Variants in IPO7 observed in about 807,000 individuals in gnomAD.
The protein encoded by IPO7 is importin-7.
Under a neutral mutation model 136.4 loss-of-function variants are expected in IPO7, and 13 were observed. The observed-to-expected ratio is 0.10, with a 90% confidence interval of 0.06 to 0.15. The LOEUF is 0.15. Among genes scored for constraint, IPO7 ranks in the 10% least tolerant of loss-of-function variants. IPO7 has a pLI of 1.00. For missense variants in IPO7, 857 were observed against 1,240.6 expected (o/e 0.69, Z 4.65); for synonymous variants, 403 against 404.4 (o/e 1.00, Z 0.04).
At position 9,409,956 on chromosome 11, in the gene IPO7, A is replaced by T; in HGVS notation, c.349A>T (p.Ile117Phe). The T allele has an allele frequency of 6.3e-7, 1 of 1,580,454 alleles. No homozygotes were observed. Among genetic ancestry groups the T allele is most frequent in the Middle Eastern group, 1.7e-4 (1 of 5,944 alleles). The change falls in exon 4 of 25, where the codon ATC (isoleucine) becomes TTC (phenylalanine). Residue 117 changes from isoleucine (I) to phenylalanine (F), a missense_variant. Physicochemically the swap from Ile to Phe is conservative, Grantham distance 21. This residue lies in a region of IPO7 where 287 missense variants were observed against 307.5 expected (regional missense o/e 0.93). Transcript: ENST00000379719. ...ACAGCTTACTACATGCATTCATCAC[A>T]TCATCAAACATGATTATCCAAGCCG... ...RVQLTTCIHH[I>F]IKHDYPSRWT...
chr11:9,403,331 T>C lies in IPO7; in HGVS notation c.126T>C (p.Ile42=). The C allele has an allele frequency of 6.2e-7, 1 of 1,613,964 alleles. No homozygotes were observed. The highest frequency in any genetic ancestry group is 8.5e-7 in the Non-Finnish European group (1 of 1,179,882). The change falls in exon 2 of 25, where the codon ATT becomes ATC. Residue 42 remains isoleucine (I), a synonymous_variant. Coordinates refer to ENST00000379719, the MANE Select transcript of IPO7 (RefSeq NM_006391.3). The stretch of plus-strand genomic sequence containing the variant: ...ATTTTGTCTCAACACTGCTCCAGAT[T>C]ACTATGTCGGAACAGCTGGATTTAC... ...SLNFVSTLLQ[I]TMSEQLDLPV... is the part of the protein sequence containing the mutation.
At chr11:9,429,971 A>T in intron 15 of IPO7, 137 bp downstream of exon 15, 1 of 588,476 alleles carries the variant, frequency 1.7e-6, no homozygotes, top group Admixed American at 3.6e-5. Context: ...CATGGAAGAT[A>T]ATTTTTCCAC....
intron 1 of IPO7, among the ~76,000 whole-genome samples, chr11:9,392,971 G>A (rs146990163): frequency 1.0e-4 from 15 of 150,396 alleles, no homozygotes; most frequent in Non-Finnish European, 1.6e-4. Flanking sequence ...AAAAAGTTAC[G>A]GGTTTGAAGA....
At chr11:9,395,869 A>C (rs958727212) in intron 1 of IPO7, among the ~76,000 whole-genome samples, 34 of 150,744 alleles carry the variant, frequency 2.3e-4, no homozygotes, top group African/African-American at 7.8e-4. Flanking sequence ...GGCAGCCGCC[A>C]CCACGTCTGG....
chr11:9,428,754 T>A (rs757358382), intron 13 of IPO7, 125 bp downstream of exon 13: 2 of 796,504 alleles, frequency 2.5e-6, no homozygotes, highest in South Asian at 2.7e-5. Context: ...TTCTGTTTAA[T>A]GTAAATCTTT....
At chr11:9,389,966 A>G (rs144247649) in intron 1 of IPO7, among the ~76,000 whole-genome samples, 230 of 152,302 alleles carry the variant, frequency 1.5e-3, no homozygotes, top group Admixed American at 2.5e-3. Flanking sequence ...CATGTTGGCC[A>G]GCCTGGTCTT....
intron 16 of IPO7, 23 bp from the exon 17 acceptor site, chr11:9,433,547 T>C (rs766589248): frequency 1.3e-6 from 2 of 1,583,948 alleles, no homozygotes; most frequent in South Asian, 1.1e-5. Context: ...TAACTGCATA[T>C]GATTTTTTTT....
At chr11:9,389,688 G>C (rs1244009718) in intron 1 of IPO7, among the ~76,000 whole-genome samples, 1 of 152,122 alleles carries the variant, frequency 6.6e-6, no homozygotes, top group Non-Finnish European at 1.5e-5. Context: ...TGGAATTAGA[G>C]GGTTTACCCA....
chr11:9,431,198 G>A (rs1565002226), intron 16 of IPO7, among the ~76,000 whole-genome samples, 195 bp downstream of exon 16: 1 of 152,098 alleles, frequency 6.6e-6, no homozygotes, highest in Non-Finnish European at 1.5e-5. Context: ...TACCATCTTA[G>A]GGCTCAGGAT....
At chr11:9,392,129 T>G (rs749678143) in intron 1 of IPO7, 19 of 364,534 alleles carry the variant, frequency 5.2e-5, no homozygotes, top group South Asian at 1.7e-4. Flanking sequence ...GCCTTATATT[T>G]CATGTAGCCA....
chr11:9,404,072 T>C (rs192494642), intron 2 of IPO7, among the ~76,000 whole-genome samples: 2 of 152,342 alleles, frequency 1.3e-5, no homozygotes, highest in East Asian at 3.9e-4. Flanking sequence ...AATTTTGTTA[T>C]GGGAAATACA....
intron 2 of IPO7, among the ~76,000 whole-genome samples, chr11:9,404,103 T>C (rs2133731807): frequency 6.6e-6 from 1 of 152,352 alleles, no homozygotes; most frequent in East Asian, 1.9e-4. Context: ...AATTTCATCA[T>C]TCTAGAAAAA....
At chr11:9,424,435 T>A (rs1240682098) in intron 10 of IPO7, among the ~76,000 whole-genome samples, 1 of 152,190 alleles carries the variant, frequency 6.6e-6, no homozygotes, top group Non-Finnish European at 1.5e-5. Flanking sequence ...TAGGAGGAAT[T>A]CATGGATTAA....
intron 6 of IPO7, among the ~76,000 whole-genome samples, chr11:9,417,742 C>T (rs1345934401): frequency 2.7e-5 from 4 of 145,948 alleles, no homozygotes; most frequent in Non-Finnish European, 4.5e-5. Context: ...GCTGAAGTTT[C>T]GCTCTTGTTG....
chr11:9,437,957 T>A lies in IPO7; in HGVS notation c.2472T>A (p.Asp824Glu). ...TNHFITQWLN[D>E]VDCFLGLHDR... ...ATTTTATTACACAGTGGCTTAATGATGTTGACTGTTTCTTGGGGTAAGTGA... is the reference window on the plus strand; with the variant it reads ...ATTTTATTACACAGTGGCTTAATGAAGTTGACTGTTTCTTGGGGTAAGTGA... The change falls in exon 21 of 25, where the codon GAT (aspartate) becomes GAA (glutamate). Residue 824 changes from aspartate (D) to glutamate (E), a missense_variant. By Grantham distance (45) the Asp-to-Glu change is conservative. Transcript: ENST00000379719. 6.2e-7 allele frequency: 1 copy of A among 1,613,188 alleles called. No individual in the cohort carries two copies. The highest frequency in any genetic ancestry group is 8.5e-7 in the Non-Finnish European group (1 of 1,179,326).
intron 4 of IPO7, among the ~76,000 whole-genome samples, chr11:9,412,665 A>C (rs1370742225): frequency 6.6e-6 from 1 of 151,996 alleles, no homozygotes; most frequent in Non-Finnish European, 1.5e-5. Context: ...TACTCTCTAC[A>C]GACAAAAAAG....
chr11:9,412,889 A>ATTTTT (rs1163764184), intron 4 of IPO7, among the ~76,000 whole-genome samples: 3 of 126,350 alleles, frequency 2.4e-5, no homozygotes, highest in African/African-American at 6.0e-5. Flanking sequence ...TGATTGATTG[A>ATTTTT]TTTTTTTTTT....
At chr11:9,417,782 G>T (rs1382970286) in intron 6 of IPO7, among the ~76,000 whole-genome samples, 1 of 146,920 alleles carries the variant, frequency 6.8e-6, no homozygotes, top group Admixed American at 6.8e-5. Context: ...GCGCAATCTC[G>T]GCTCACTGCA....
At chr11:9,443,939 CAT>C (rs1463035429) in intron 24 of IPO7, among the ~76,000 whole-genome samples, 13 of 151,022 alleles carry the variant, frequency 8.6e-5, no homozygotes, top group African/African-American at 3.2e-4. Flanking sequence ...AGCTCCCAGA[CAT>C]ATCTTTTCAT....
Sources: gnomAD v4.1 joint callset for allele counts (sites outside exome capture counted in the v4.1 genomes callset) on GRCh38, gnomAD v4.1.1 for gene constraint, gnomAD v4.1.1 regional missense constraint, MANE v1.5 for transcripts, NCBI Gene and HGNC (gene_info 2026-07-23, HGNC 2026-07-21) for gene names.